Variants in AUTS2 observed in about 807,000 individuals in gnomAD.
AUTS2 encodes the protein activator of transcription and developmental regulator AUTS2.
Under a neutral mutation model 112.4 loss-of-function variants are expected in AUTS2, and 17 were observed. That is an observed-to-expected ratio of 0.15 (90% CI 0.10 to 0.23). AUTS2 has a LOEUF of 0.23. Among genes scored for constraint, AUTS2 ranks in the 10% least tolerant of loss-of-function variants. AUTS2 has a pLI of 1.00. For synonymous variants in AUTS2, 751 were observed against 702.7 expected (o/e 1.07, Z -1.09); for missense variants, 1,510 against 1,701.6 (o/e 0.89, Z 1.98).
intron 5 of AUTS2, among the ~76,000 whole-genome samples, chr7:70,534,243 G>T (rs1800215710): frequency 6.6e-6 from 1 of 152,188 alleles, no homozygotes; most frequent in African/African-American, 2.4e-5. Context: ...GCTGCCTTTT[G>T]CTGCTCTTTT....
intron 3 of AUTS2, among the ~76,000 whole-genome samples, chr7:70,127,560 G>A (rs1055721120): frequency 6.6e-6 from 1 of 152,082 alleles, no homozygotes; most frequent in Non-Finnish European, 1.5e-5. Context: ...TTTATTTAAT[G>A]ACTATATGAA....
At chr7:70,632,137 T>C (rs1003495086) in intron 5 of AUTS2, among the ~76,000 whole-genome samples, 5 of 151,614 alleles carry the variant, frequency 3.3e-5, no homozygotes, top group East Asian at 1.9e-4. Context: ...ACCGTGGAGG[T>C]TGTAGCAACT....
intron 14 of AUTS2, among the ~76,000 whole-genome samples, chr7:70,778,419 C>G (rs1366409791): frequency 6.6e-6 from 1 of 152,024 alleles, no homozygotes; most frequent in Non-Finnish European, 1.5e-5. Flanking sequence ...AGATAGAGCT[C>G]TTCATCACAG....
At chr7:70,173,823 C>T (rs912339862) in intron 4 of AUTS2, among the ~76,000 whole-genome samples, 20 of 1,964 alleles carry the variant, frequency 0.01, no homozygotes, top group South Asian at 0.071. Context: ...ACATAAACCT[C>T]GCTATATAAG....
intron 2 of AUTS2, among the ~76,000 whole-genome samples, chr7:69,935,497 A>G (rs1796375549): frequency 6.6e-6 from 1 of 152,180 alleles, no homozygotes; most frequent in Admixed American, 6.5e-5. Flanking sequence ...GTGCCAGCCT[A>G]TTATGTTGGG....
chr7:70,319,515 GAGAC>G (rs1228966317), intron 4 of AUTS2, among the ~76,000 whole-genome samples: 2 of 152,202 alleles, frequency 1.3e-5, no homozygotes, highest in Non-Finnish European at 2.9e-5. Context: ...TTACTGTAGT[GAGAC>G]AGGGAGCAGT....
rs191768833 is a variant in AUTS2 at position 70,007,118 on chromosome 7, A to G, written c.522+107620A>G. ...CTTGCATTACCTAGTGCAAACAGGA[A>G]CTTAGAAGTTAATGCAGAAAATGCC... On this transcript the variant is annotated intron_variant, in intron 2 of 18. Coordinates refer to ENST00000342771, the MANE Select transcript of AUTS2 (RefSeq NM_015570.4). Among the ~76,000 whole-genome samples, 514 of 152,294 alleles carry G rather than the reference A, an allele frequency of 3.4e-3. 3 individuals are homozygous for G. The highest frequency in any genetic ancestry group is 0.02 in the Middle Eastern group (6 of 294).
intron 4 of AUTS2, among the ~76,000 whole-genome samples, chr7:70,401,826 C>G (rs1402514871): frequency 6.6e-6 from 1 of 152,194 alleles, no homozygotes; most frequent in African/African-American, 2.4e-5. Context: ...GCAGTCCAGT[C>G]CCCCAGGAGT....
intron 4 of AUTS2, among the ~76,000 whole-genome samples, chr7:70,261,768 A>G (rs1287590126): frequency 6.6e-6 from 1 of 152,220 alleles, no homozygotes; most frequent in African/African-American, 2.4e-5. Flanking sequence ...AAGGACTTGA[A>G]TAAGTGAATT....
At position 70,766,663 on chromosome 7, in the gene AUTS2, A is replaced by T. The variant is rs2178045; in HGVS notation, c.1689+329A>T. 2.0e-5 allele frequency among the ~76,000 whole-genome samples: 3 copies of T among 152,136 alleles called. No homozygotes were observed. The highest frequency in any genetic ancestry group is 7.2e-5 in the African/African-American group (3 of 41,414). ...TTGAACTTCCCGGGGGACTGTCACC[A>T]GGCAGAAAATGCACCTGCTTGTGCT... On this transcript the variant is annotated intron_variant, in intron 9 of 18. Coordinates refer to ENST00000342771, the MANE Select transcript of AUTS2 (RefSeq NM_015570.4). The surrounding 1 kb of genome is among the most constrained non-coding windows in gnomAD (Gnocchi z 4.8).
rs544354871 is a variant in AUTS2, at chr7:69,660,263, T to C, written c.309+60301T>C. On this transcript the variant is annotated intron_variant, in intron 1 of 18. Transcript: ENST00000342771. ...TCCTGCTGTTTTCCTTTTGTACCTA[T>C]GTGGTTGGTGCTTCTGGGGCTTTTT... 2.0e-5 allele frequency among the ~76,000 whole-genome samples: 3 copies of C among 152,366 alleles called. No homozygotes were observed. In the East Asian group the frequency reaches 5.8e-4, roughly 29 times the overall value.
At chr7:70,402,216 A>G (rs1794356700) in intron 4 of AUTS2, among the ~76,000 whole-genome samples, 1 of 152,262 alleles carries the variant, frequency 6.6e-6, no homozygotes, top group Non-Finnish European at 1.5e-5. Context: ...ACAGTAGAAA[A>G]GAAGGACATT....
chr7:69,972,671 ATGTGTG>A (rs769055659), intron 2 of AUTS2, among the ~76,000 whole-genome samples: 169 of 85,336 alleles, frequency 2.0e-3, no homozygotes, highest in Admixed American at 3.6e-3. Context: ...GTGTGCGTGC[ATGTGTG>A]TGTGTGTGTG....
intron 2 of AUTS2, among the ~76,000 whole-genome samples, chr7:69,975,586 T>G (rs1798022075): frequency 1.3e-5 from 2 of 152,286 alleles, no homozygotes; most frequent in South Asian, 4.1e-4. Context: ...TTTTTTCTCT[T>G]TTGTTTAGAT....
At chr7:70,553,818 G>C (rs1392246109) in intron 5 of AUTS2, among the ~76,000 whole-genome samples, 1 of 134,634 alleles carries the variant, frequency 7.4e-6, no homozygotes, top group African/African-American at 2.8e-5. Flanking sequence ...CCAGGCTGGA[G>C]TGCAGTGGTG....
chr7:69,602,038 A>ATGTGTG (rs1233014731), intron 1 of AUTS2, among the ~76,000 whole-genome samples: 41 of 10,040 alleles, frequency 4.1e-3, no homozygotes, highest in Non-Finnish European at 5.2e-3. Flanking sequence ...ATATATATAT[A>ATGTGTG]TATGTGTGTG....
intron 2 of AUTS2, among the ~76,000 whole-genome samples, chr7:70,081,563 A>G (rs1014941621): frequency 6.6e-6 from 1 of 152,120 alleles, no homozygotes. Flanking sequence ...TCCATCTCAA[A>G]AAAGAAAGAA....
chr7:70,108,146 A>G (rs930109517), intron 2 of AUTS2, among the ~76,000 whole-genome samples: 6 of 152,116 alleles, frequency 3.9e-5, no homozygotes, highest in African/African-American at 1.4e-4. Context: ...ATAGCTATGG[A>G]CAGTGTAGGG....
chr7:70,373,800 T>C (rs1792956008), intron 4 of AUTS2, among the ~76,000 whole-genome samples: 1 of 152,182 alleles, frequency 6.6e-6, no homozygotes, highest in Non-Finnish European at 1.5e-5. Context: ...GCTAATAAAA[T>C]TGGTATGGTT....
Sources: gnomAD v4.1 joint callset for allele counts (sites outside exome capture counted in the v4.1 genomes callset) on GRCh38, gnomAD v4.1.1 for gene constraint, Gnocchi (gnomAD v3.1) non-coding constraint, MANE v1.5 for transcripts, NCBI Gene and HGNC (gene_info 2026-07-23, HGNC 2026-07-21) for gene names.